The following PIH1D2 variants were observed in gnomAD, a reference collection of about 807,000 sequenced individuals.
The protein encoded by PIH1D2 is PIH1 domain containing 2.
PIH1D2 carries 25 observed loss-of-function variants against 31.2 expected under a neutral mutation model. The ratio of observed to expected loss-of-function variants is 0.80; its 90% CI spans 0.58 to 1.12. The LOEUF is 1.12. Among genes scored for constraint, PIH1D2 ranks in the 50% most tolerant of loss-of-function variants. The pLI is 0.00. For missense variants in PIH1D2, 310 were observed against 356.6 expected, an observed-to-expected ratio of 0.87 and a Z score of 1.05; for synonymous variants, 116 against 119.9, an observed-to-expected ratio of 0.97 and a Z score of 0.21.
At chr11:112,062,655 G>C, downstream of PIH1D2, 1 of 1,179,700 alleles carries the variant, frequency 8.5e-7, no homozygotes, top group Non-Finnish European at 1.2e-6. Context: ...TATTGAGTCT[G>C]TCCAGATAAG....
chr11:112,053,569 C>T, the PIH1D2 span, among the ~76,000 whole-genome samples: 1 of 152,116 alleles, frequency 6.6e-6, no homozygotes, highest in African/African-American at 2.4e-5. Flanking sequence ...TTTCCTACCT[C>T]AGCCTCCTGA....
chr11:112,054,525 G>C, the PIH1D2 span, among the ~76,000 whole-genome samples: 3,798 of 152,148 alleles, frequency 0.025, 165 homozygotes, highest in African/African-American at 0.087. Flanking sequence ...AATTCTTTCT[G>C]AAACTCCACA....
intron 2 of PIH1D2, among the ~76,000 whole-genome samples, chr11:112,072,282 C>T (rs950878534): frequency 5.3e-5 from 8 of 151,966 alleles, no homozygotes; most frequent in African/African-American, 1.4e-4. Flanking sequence ...TGGTGGCTCA[C>T]GTATGTTACC....
chr11:112,065,983 G>A (rs1864911239), downstream of PIH1D2, among the ~76,000 whole-genome samples: 1 of 151,482 alleles, frequency 6.6e-6, no homozygotes. Flanking sequence ...GGGTGACCGA[G>A]CGAGACTCTG....
At chr11:112,061,121 T>A, downstream of PIH1D2, 1 of 1,614,164 alleles carries the variant, frequency 6.2e-7, no homozygotes, top group East Asian at 2.2e-5. Context: ...AAGCATGTAT[T>A]TTGGCAATTG....
At chr11:112,061,449 G>C (rs1043338976), downstream of PIH1D2, 4 of 391,064 alleles carry the variant, frequency 1.0e-5, no homozygotes, top group Non-Finnish European at 1.4e-5. Flanking sequence ...TTCAAGTTGT[G>C]CTTACTGGAA....
At chr11:112,064,006 T>C, downstream of PIH1D2, 1 of 612,572 alleles carries the variant, frequency 1.6e-6, no homozygotes, top group Non-Finnish European at 2.7e-6. Context: ...CAAGTGACAC[T>C]CCATATATTC....
At chr11:112,058,176 T>G in the PIH1D2 span, among the ~76,000 whole-genome samples, 1 of 152,236 alleles carries the variant, frequency 6.6e-6, no homozygotes, top group Admixed American at 6.5e-5. Context: ...TAACATGTAC[T>G]GTTTACTGGA....
rs1261643572 is a variant in PIH1D2, at chr11:112,070,792, G to A, written c.548-91C>T. Reference sequence around the variant, plus strand: ...TAATATATGTGGTGTTAGTAGAGATGGTAGATAAAGCTGCAGTTAAATTAG... The same window carrying A: ...TAATATATGTGGTGTTAGTAGAGATAGTAGATAAAGCTGCAGTTAAATTAG... On this transcript the variant is annotated intron_variant, in intron 4 of 5. Coordinates refer to ENST00000280350, the MANE Select transcript of PIH1D2 (RefSeq NM_138789.4). 3.6e-6 allele frequency: 5 copies of A among 1,375,726 alleles called. No individual in the cohort carries two copies. In the African/African-American group the frequency reaches 7.4e-5, roughly 20 times the overall value. The allele number at this position is 1,375,726 out of a possible 1,614,324, so 85.2% of individuals were successfully genotyped here.
At position 112,071,419 on chromosome 11, in the gene PIH1D2, C is replaced by G. The variant is rs587754647; in HGVS notation, c.302-136G>C. 14 of 1,300,974 alleles carry G rather than the reference C, an allele frequency of 1.1e-5. No homozygotes were observed. The African/African-American group carries it at 1.9e-4, about 18-fold the overall frequency. 80.6% of individuals were successfully genotyped at this position (1,300,974 alleles called of 1,614,324 possible). ...TTTTTCAGAGGTAATCACAGTAGTGCTACAGCAATTATGACATTTCTTGGC... is the reference window on the plus strand; with the variant it reads ...TTTTTCAGAGGTAATCACAGTAGTGGTACAGCAATTATGACATTTCTTGGC... On this transcript the variant is annotated intron_variant, in intron 3 of 5. Transcript: ENST00000280350.
chr11:112,072,448 T>C (rs981782052), intron 2 of PIH1D2, among the ~76,000 whole-genome samples: 2 of 142,296 alleles, frequency 1.4e-5, no homozygotes, highest in Non-Finnish European at 3.0e-5. Context: ...CTTGGGAGGC[T>C]GAGGTGGGAG....
downstream of PIH1D2, chr11:112,063,619 G>A (rs1171052389): frequency 6.6e-6 from 1 of 152,234 alleles, no homozygotes; most frequent in Non-Finnish European, 1.5e-5. Context: ...GTAAAAAAGT[G>A]TTCTGTGTCC....
the PIH1D2 span, among the ~76,000 whole-genome samples, chr11:112,057,596 G>A: frequency 6.6e-6 from 1 of 152,192 alleles, no homozygotes; most frequent in African/African-American, 2.4e-5. Context: ...TTAAGCCAAA[G>A]CTTAATTCAG....
the PIH1D2 span, among the ~76,000 whole-genome samples, chr11:112,055,371 G>A: frequency 6.6e-6 from 1 of 150,880 alleles, no homozygotes; most frequent in African/African-American, 2.4e-5. Flanking sequence ...AGCCTCCCGA[G>A]TAGCTGGGAC....
At chr11:112,073,788 G>C (rs1423209796) in intron 1 of PIH1D2, 192 bp downstream of exon 1, 1 of 152,284 alleles carries the variant, frequency 6.6e-6, no homozygotes, top group Non-Finnish European at 1.5e-5. Context: ...AATCTCCTTA[G>C]CCTCTTCTCC....
intron 2 of PIH1D2, 44 bp from the exon 3 acceptor site, chr11:112,071,802 A>T: frequency 6.2e-7 from 1 of 1,607,226 alleles, no homozygotes; most frequent in Non-Finnish European, 8.5e-7. Context: ...CTAGTTTAAA[A>T]CCATTTAAGG....
chr11:112,056,325 A>T, the PIH1D2 span, among the ~76,000 whole-genome samples: 1 of 152,206 alleles, frequency 6.6e-6, no homozygotes, highest in Non-Finnish European at 1.5e-5. Context: ...AAGATCACTC[A>T]TGCTCATTTA....
downstream of PIH1D2, among the ~76,000 whole-genome samples, chr11:112,059,103 C>T (rs1864347026): frequency 6.6e-6 from 1 of 151,684 alleles, no homozygotes; most frequent in Admixed American, 6.6e-5. Flanking sequence ...TCTGAGGTAC[C>T]ACCACCCATG....
chr11:112,055,847 A>ATTTTTTTTTTTTTTTTTT, the PIH1D2 span, among the ~76,000 whole-genome samples: 1 of 49,672 alleles, frequency 2.0e-5, no homozygotes, highest in African/African-American at 7.0e-5. Context: ...GCATATAGAC[A>ATTTTTTTTTTTTTTTTTT]CTTTTTTTTT....
Sources: gnomAD v4.1 joint callset for allele counts (sites outside exome capture counted in the v4.1 genomes callset) on GRCh38, gnomAD v4.1.1 for gene constraint, MANE v1.5 for transcripts, NCBI Gene and HGNC (gene_info 2026-07-23, HGNC 2026-07-21) for gene names.